PLCL1: variants seen among roughly 807,000 people sequenced by gnomAD.
The protein encoded by PLCL1 is inactive phospholipase C-like protein 1.
PLCL1 carries 41 observed loss-of-function variants against 84.4 expected under a neutral mutation model. The observed-to-expected ratio is 0.49, with a 90% CI of 0.38 to 0.63. The LOEUF is 0.63. Among genes scored for constraint, PLCL1 ranks in the 30% least tolerant of loss-of-function variants. The probability of loss-of-function intolerance (pLI) is 0.00; values close to 1 mark genes in which losing one functional copy is unlikely to be tolerated. For synonymous variants in PLCL1, 490 were observed against 488.3 expected (o/e 1.00, Z -0.05); for missense variants, 1,206 against 1,367.8 (o/e 0.88, Z 1.87).
intron 5 of PLCL1, among the ~76,000 whole-genome samples, chr2:198,120,846 G>A (rs1340967955): frequency 6.6e-6 from 1 of 152,066 alleles, no homozygotes; most frequent in Non-Finnish European, 1.5e-5. Context: ...AAGTGGGATT[G>A]CTGGATTGTA....
chr2:197,977,533 C>T (rs1035023011), intron 1 of PLCL1, among the ~76,000 whole-genome samples: 2 of 152,174 alleles, frequency 1.3e-5, no homozygotes. Context: ...TTATCAAGCC[C>T]CACCTACTTG....
intron 1 of PLCL1, among the ~76,000 whole-genome samples, chr2:197,950,680 T>C (rs1312846720): frequency 2.0e-5 from 3 of 152,146 alleles, no homozygotes; most frequent in African/African-American, 7.2e-5. Context: ...CAATTGCTAA[T>C]ATAATAGAAT....
chr2:197,850,282 A>G (rs1206620025), intron 1 of PLCL1, among the ~76,000 whole-genome samples: 1 of 152,070 alleles, frequency 6.6e-6, no homozygotes. Context: ...TCACCCCACC[A>G]TTTCCCCTTG....
At chr2:198,051,293 T>G (rs1192467667) in intron 1 of PLCL1, among the ~76,000 whole-genome samples, 3 of 152,202 alleles carry the variant, frequency 2.0e-5, no homozygotes, top group Admixed American at 6.5e-5. Context: ...TGCAACAATT[T>G]TAGGTTAATA....
chr2:197,886,411 C>CAAAAAAAAAAAAAAAAAA (rs61183744), intron 1 of PLCL1, among the ~76,000 whole-genome samples: 14 of 77,090 alleles, frequency 1.8e-4, no homozygotes, highest in African/African-American at 2.1e-4. Context: ...GACTCTGTCT[C>CAAAAAAAAAAAAAAAAAA]AAAAAAAAAA....
chr2:197,904,406 G>A (rs1289147985), intron 1 of PLCL1, among the ~76,000 whole-genome samples: 1 of 152,138 alleles, frequency 6.6e-6, no homozygotes, highest in Non-Finnish European at 1.5e-5. Context: ...CGTTCCCTTA[G>A]ATGGTTTTAT....
chr2:198,128,735 A>G (rs898840011), intron 5 of PLCL1, among the ~76,000 whole-genome samples: 3 of 152,186 alleles, frequency 2.0e-5, no homozygotes, highest in Non-Finnish European at 2.9e-5. Context: ...GTAGTCAAGA[A>G]GGAGGTTTAT....
chr2:197,959,275 C>A (rs1163426833), intron 1 of PLCL1, among the ~76,000 whole-genome samples: 1 of 152,018 alleles, frequency 6.6e-6, no homozygotes, highest in Non-Finnish European at 1.5e-5. Context: ...CCCAGGAGAA[C>A]TGATGGTGCA....
intron 1 of PLCL1, among the ~76,000 whole-genome samples, chr2:197,881,521 C>CTGTGTGTGTG (rs112582985): frequency 4.6e-5 from 7 of 150,958 alleles, no homozygotes; most frequent in Middle Eastern, 3.4e-3. Flanking sequence ...GAACAGTGCT[C>CTGTGTGTGTG]TGTGTGTGTG....
chr2:198,079,733 A>AT (rs965549832), intron 1 of PLCL1, among the ~76,000 whole-genome samples: 14 of 152,034 alleles, frequency 9.2e-5, no homozygotes, highest in East Asian at 3.9e-4. Context: ...AATTTTGTTA[A>AT]TTTTTTTTAA....
chr2:197,940,886 A>G (rs1470179370), intron 1 of PLCL1, among the ~76,000 whole-genome samples: 1 of 152,244 alleles, frequency 6.6e-6, no homozygotes, highest in Non-Finnish European at 1.5e-5. Flanking sequence ...TAAAGAAGCA[A>G]TATTTAAGAT....
rs147442632 is a variant in PLCL1 at position 197,987,533 on chromosome 2, G to T, written c.241-96225G>T. 1.4e-4 allele frequency among the ~76,000 whole-genome samples: 22 copies of T among 152,272 alleles called. No individual in the cohort carries two copies. The East Asian group carries it at 4.1e-3, about 28-fold the overall frequency. On this transcript the variant is annotated intron_variant, in intron 1 of 5. Coordinates refer to ENST00000428675, the MANE Select transcript of PLCL1 (RefSeq NM_006226.4). ...CTGACTCCTGGAAGCATTTGAGTTT[G>T]TGATCCCTGATCTAGACTAGGATAC...
At chr2:198,003,933 C>G (rs1471018417) in intron 1 of PLCL1, among the ~76,000 whole-genome samples, 1 of 152,136 alleles carries the variant, frequency 6.6e-6, no homozygotes, top group Non-Finnish European at 1.5e-5. Flanking sequence ...AGGAACTTGA[C>G]CAAGTCTGTG....
At chr2:198,015,443 A>G (rs1012812585) in intron 1 of PLCL1, among the ~76,000 whole-genome samples, 1 of 152,204 alleles carries the variant, frequency 6.6e-6, no homozygotes, top group African/African-American at 2.4e-5. Context: ...TCAGAAAGCA[A>G]AAGTTTTTTG....
intron 1 of PLCL1, among the ~76,000 whole-genome samples, chr2:197,985,809 C>T (rs924312740): frequency 1.9e-4 from 29 of 152,138 alleles, no homozygotes; most frequent in African/African-American, 6.3e-4. Context: ...CAGGGGATTG[C>T]TTAATTGATA....
At chr2:198,092,583 TA>T (rs149298914) in intron 3 of PLCL1, among the ~76,000 whole-genome samples, 4,290 of 152,240 alleles carry the variant, frequency 0.028, 191 homozygotes, top group African/African-American at 0.095. Context: ...ATATTATTGT[TA>T]ACTATAGTCA....
At chr2:198,001,219 A>G (rs780567983) in intron 1 of PLCL1, among the ~76,000 whole-genome samples, 1 of 152,226 alleles carries the variant, frequency 6.6e-6, no homozygotes, top group Non-Finnish European at 1.5e-5. Context: ...TGTGATTACC[A>G]TGGAGACAAT....
At chr2:197,887,633 G>T (rs1228509669) in intron 1 of PLCL1, among the ~76,000 whole-genome samples, 1 of 152,128 alleles carries the variant, frequency 6.6e-6, no homozygotes. Context: ...TACAAGCACA[G>T]TTATGTTACA....
chr2:197,954,359 C>A (rs1052278270), intron 1 of PLCL1, among the ~76,000 whole-genome samples: 1 of 152,042 alleles, frequency 6.6e-6, no homozygotes, highest in Admixed American at 6.6e-5. Context: ...AGAAAACTGA[C>A]CACACTTTAT....
Sources: allele counts gnomAD v4.1 joint callset (sites outside exome capture counted in the v4.1 genomes callset), GRCh38; gene constraint gnomAD v4.1.1; transcripts MANE v1.5; gene names NCBI Gene and HGNC (gene_info 2026-07-23, HGNC 2026-07-21).